DGKB: variants seen among roughly 807,000 people sequenced by gnomAD.
The protein encoded by DGKB is diacylglycerol kinase beta.
In DGKB, 67 loss-of-function variants were observed where a neutral mutation model predicts 114.3. The ratio of observed to expected loss-of-function variants is 0.59; its 90% CI spans 0.48 to 0.72. The LOEUF (loss-of-function observed/expected upper bound fraction) is 0.72, where lower values mean the gene tolerates loss of function less well. DGKB is among the 30% of genes least tolerant of loss of function. DGKB has a pLI of 0.00. For missense variants in DGKB, 907 were observed against 975.2 expected, an observed-to-expected ratio of 0.93 and a Z score of 0.93; for synonymous variants, 398 against 323.1, an observed-to-expected ratio of 1.23 and a Z score of -2.49.
intron 23 of DGKB, among the ~76,000 whole-genome samples, chr7:14,190,131 G>C (rs56204009): frequency 0.017 from 2,623 of 152,194 alleles, 69 homozygotes; most frequent in African/African-American, 0.055. Flanking sequence ...CGTTCTCCAG[G>C]ATGAATCACA....
intron 1 of DGKB, among the ~76,000 whole-genome samples, chr7:14,908,814 T>C (rs1368394550): frequency 3.3e-5 from 5 of 152,172 alleles, no homozygotes; most frequent in Non-Finnish European, 1.5e-5. Flanking sequence ...TGCATATACA[T>C]ATAGACTGGT....
At chr7:14,252,780 T>C (rs1026868591) in intron 23 of DGKB, among the ~76,000 whole-genome samples, 6 of 152,176 alleles carry the variant, frequency 3.9e-5, no homozygotes, top group Admixed American at 3.3e-4. Flanking sequence ...TCCACTGGCA[T>C]TGGCATGGTT....
chr7:14,782,990 G>C (rs1331326507), intron 2 of DGKB, among the ~76,000 whole-genome samples: 2 of 152,008 alleles, frequency 1.3e-5, no homozygotes, highest in East Asian at 3.9e-4. Flanking sequence ...GAGCCTGTCT[G>C]GCTCACATAT....
chr7:14,528,049 T>C (rs1351624294), intron 20 of DGKB, among the ~76,000 whole-genome samples: 2 of 152,074 alleles, frequency 1.3e-5, no homozygotes, highest in East Asian at 1.9e-4. Flanking sequence ...ATAAATACCT[T>C]AGAGAAAAAT....
intron 1 of DGKB, among the ~76,000 whole-genome samples, chr7:14,857,866 AC>A (rs1051461445): frequency 6.6e-4 from 101 of 152,244 alleles, no homozygotes; most frequent in African/African-American, 2.4e-3. Flanking sequence ...TTTATTATAC[AC>A]TTTTTTCATA....
chr7:14,682,577 C>T lies in DGKB; in HGVS notation c.1011G>A (p.Leu337=). The T allele has an allele frequency of 1.2e-6, 2 of 1,613,034 alleles. No homozygotes were observed. Among genetic ancestry groups the T allele is most frequent in the Non-Finnish European group, 1.7e-6 (2 of 1,179,160 alleles). ...TVKCYQGLTG[L]HCVWCQITLH... ...CTGTGATCTGACACCAAACACAATG[C>T]AGTCCTGTCAGGCCCTGGTAACATT... Residue 337 remains leucine, a synonymous_variant, in exon 12 of 26, where the codon CTG becomes CTA. Transcript: ENST00000402815.
At chr7:14,553,593 A>C (rs1427577177) in intron 20 of DGKB, among the ~76,000 whole-genome samples, 1 of 152,182 alleles carries the variant, frequency 6.6e-6, no homozygotes, top group Non-Finnish European at 1.5e-5. Context: ...AAACAATTCA[A>C]TAAAAGGCAG....
chr7:14,776,984 C>G (rs886493655), intron 2 of DGKB, among the ~76,000 whole-genome samples: 11 of 152,194 alleles, frequency 7.2e-5, no homozygotes, highest in African/African-American at 2.7e-4. Flanking sequence ...TCCCAAGGCT[C>G]TGTGAGTCCA....
At chr7:14,886,608 A>G (rs1435728308) in intron 1 of DGKB, among the ~76,000 whole-genome samples, 1 of 151,862 alleles carries the variant, frequency 6.6e-6, no homozygotes, top group Admixed American at 6.6e-5. Flanking sequence ...ATTTCACTTC[A>G]TAAATATCAC....
intron 21 of DGKB, among the ~76,000 whole-genome samples, chr7:14,360,153 G>T (rs1815421435): frequency 6.6e-6 from 1 of 152,098 alleles, no homozygotes; most frequent in African/African-American, 2.4e-5. Context: ...ATGAGTTCAT[G>T]TCCTTTGCAG....
At chr7:14,464,840 C>T (rs536477808) in intron 21 of DGKB, among the ~76,000 whole-genome samples, 16 of 152,176 alleles carry the variant, frequency 1.1e-4, no homozygotes, top group African/African-American at 3.9e-4. Flanking sequence ...CTTTTTGACC[C>T]GTTATTCATT....
intron 20 of DGKB, among the ~76,000 whole-genome samples, chr7:14,571,390 C>A (rs544631223): frequency 2.0e-5 from 3 of 152,274 alleles, no homozygotes; most frequent in African/African-American, 4.8e-5. Context: ...CTTACACTTA[C>A]AGTAGTGATA....
chr7:14,933,793 T>C (rs1252581912), intron 1 of DGKB, among the ~76,000 whole-genome samples: 2 of 152,176 alleles, frequency 1.3e-5, no homozygotes, highest in Non-Finnish European at 2.9e-5. Flanking sequence ...TCGATTATGA[T>C]TAATATTTAA....
chr7:14,207,171 T>G (rs900391391), intron 23 of DGKB, among the ~76,000 whole-genome samples: 12 of 152,184 alleles, frequency 7.9e-5, no homozygotes, highest in Admixed American at 1.3e-4. Flanking sequence ...CTGCCTCCTT[T>G]GAGGTCAACA....
At chr7:14,387,239 T>C (rs1036432374) in intron 21 of DGKB, among the ~76,000 whole-genome samples, 2 of 151,598 alleles carry the variant, frequency 1.3e-5, no homozygotes, top group Non-Finnish European at 2.9e-5. Flanking sequence ...CTGGCCAACA[T>C]GGTGAAACTC....
At chr7:14,189,569 T>G (rs1159509851) in intron 23 of DGKB, among the ~76,000 whole-genome samples, 1 of 151,994 alleles carries the variant, frequency 6.6e-6, no homozygotes, top group Non-Finnish European at 1.5e-5. Flanking sequence ...AATAATAACC[T>G]TGAATGTAAA....
chr7:14,182,553 A>G (rs1782794801), intron 23 of DGKB, among the ~76,000 whole-genome samples: 1 of 152,130 alleles, frequency 6.6e-6, no homozygotes, highest in Non-Finnish European at 1.5e-5. Flanking sequence ...ATGGTAAGGA[A>G]CCCTACTTTA....
intron 23 of DGKB, among the ~76,000 whole-genome samples, chr7:14,274,621 T>A (rs1291791503): frequency 1.3e-5 from 2 of 152,162 alleles, no homozygotes; most frequent in African/African-American, 4.8e-5. Context: ...AAAATATTCA[T>A]CTCTTACAGT....
rs1781788003 is a variant in DGKB at position 14,149,049 on chromosome 7, G to C, written c.*82C>G. On this transcript the variant is annotated 3_prime_UTR_variant, in exon 26 of 26. Transcript: ENST00000402815. ...ATGATTTTGCATGAGCAGGAGACTTGAAATGGTTCAAAGATTTCCAGCATA... is the reference window on the plus strand; with the variant it reads ...ATGATTTTGCATGAGCAGGAGACTTCAAATGGTTCAAAGATTTCCAGCATA... 2 of 1,244,158 alleles carry C rather than the reference G, an allele frequency of 1.6e-6. No individual in the cohort carries two copies. The highest frequency in any genetic ancestry group is 1.7e-5 in the Admixed American group (1 of 58,448). The allele number at this position is 1,244,158 out of a possible 1,614,324, so 77.1% of individuals were successfully genotyped here.
Sources: allele counts gnomAD v4.1 joint callset (sites outside exome capture counted in the v4.1 genomes callset), GRCh38; gene constraint gnomAD v4.1.1; transcripts MANE v1.5; gene names NCBI Gene and HGNC (gene_info 2026-07-23, HGNC 2026-07-21).